Variants in MTBP observed in about 807,000 individuals in gnomAD.
MTBP encodes the protein MDM2 binding protein.
Under a neutral mutation model 117.0 loss-of-function variants are expected in MTBP, and 101 were observed. The observed-to-expected ratio is 0.86, with a 90% confidence interval of 0.73 to 1.02. The LOEUF (loss-of-function observed/expected upper bound fraction) is 1.02, where lower values mean the gene tolerates loss of function less well. Among genes scored for constraint, MTBP ranks in the 50% least tolerant of loss-of-function variants. The pLI, the probability that MTBP is intolerant of heterozygous loss-of-function variation, is 0.00. For missense variants in MTBP, 970 were observed against 1,030.9 expected (o/e 0.94, Z 0.81); for synonymous variants, 350 against 351.5 (o/e 1.00, Z 0.05).
rs190381381 is a variant in MTBP at position 120,456,939 on chromosome 8, A to G, written c.747+269A>G. On this transcript the variant is annotated intron_variant, in intron 7 of 21. Transcript: ENST00000305949. The stretch of plus-strand genomic sequence containing the variant: ...TAATTAACTTTAATTTAATCACATA[A>G]TAATGTGATTATATTCAAGTGCTGT... 1.8e-4 allele frequency among the ~76,000 whole-genome samples: 27 copies of G among 152,316 alleles called. No individual in the cohort carries two copies. The East Asian group carries it at 4.8e-3, about 27-fold the overall frequency.
intron 17 of MTBP, among the ~76,000 whole-genome samples, chr8:120,510,730 T>C (rs1416500560): frequency 3.0e-4 from 45 of 151,972 alleles, no homozygotes; most frequent in Admixed American, 3.0e-3. Flanking sequence ...GGTGAAACCC[T>C]GTCTCTACAA....
chr8:120,521,762 G>A lies in MTBP; in HGVS notation c.2611-892G>A, dbSNP rs185375027. Among the ~76,000 whole-genome samples, 320 of 152,282 alleles carry A rather than the reference G, an allele frequency of 2.1e-3. 2 individuals carry two copies. The highest frequency in any genetic ancestry group is 1.9e-3 in the Non-Finnish European group (127 of 68,028). On this transcript the variant is annotated intron_variant, in intron 20 of 21. Coordinates refer to ENST00000305949, the MANE Select transcript of MTBP (RefSeq NM_022045.5). Reference sequence around the variant, plus strand: ...TTTGTATGTCATTCTTCTTTATGATGGAGTCAAATAGCCAAAATGAAGAAA... The same window carrying A: ...TTTGTATGTCATTCTTCTTTATGATAGAGTCAAATAGCCAAAATGAAGAAA...
At chr8:120,468,070 T>C (rs965692498) in intron 10 of MTBP, among the ~76,000 whole-genome samples, 2 of 30,702 alleles carry the variant, frequency 6.5e-5, no homozygotes, top group Non-Finnish European at 1.2e-4. Context: ...TGAAGTCTTA[T>C]GTATGCAAGA....
Position 120,509,953 on chromosome 8 carries a change from A to T in MTBP, c.1903A>T (p.Thr635Ser). Residue 635 changes from threonine to serine, a missense_variant, in exon 17 of 22, where the codon ACA becomes TCA. Physicochemically the swap from Thr to Ser is moderately conservative, Grantham distance 58 (BLOSUM62 1). Transcript: ENST00000305949. ...IQKGEKTFVL[T>S]PELSPGKLQV... The stretch of plus-strand genomic sequence containing the variant: ...TTTCAGGGAAAAGACTTTTGTTTTG[A>T]CACCAGAACTTAGTCCTGGGAAACT... 1 of 1,610,002 alleles carries T rather than the reference A, an allele frequency of 6.2e-7. No homozygotes were observed. Among genetic ancestry groups the T allele is most frequent in the South Asian group, 1.1e-5 (1 of 90,176 alleles).
intron 11 of MTBP, among the ~76,000 whole-genome samples, chr8:120,474,613 G>T (rs1317677502): frequency 6.6e-6 from 1 of 151,896 alleles, no homozygotes; most frequent in Non-Finnish European, 1.5e-5. Context: ...ACTTTGTACT[G>T]TTTCCTAAAA....
intron 14 of MTBP, 41 bp from the exon 15 acceptor site, chr8:120,502,448 TATG>T (rs1232186578): frequency 4.6e-6 from 6 of 1,316,426 alleles, no homozygotes; most frequent in Admixed American, 2.1e-5. Flanking sequence ...CAAAATTCAG[TATG>T]ATAATACTTT....
chr8:120,465,867 A>G (rs1813677545), intron 10 of MTBP, among the ~76,000 whole-genome samples: 1 of 152,076 alleles, frequency 6.6e-6, no homozygotes, highest in African/African-American at 2.4e-5. Flanking sequence ...ATCTGTACCT[A>G]TAGTTTAACA....
chr8:120,493,019 A>G (rs141712238), intron 13 of MTBP, among the ~76,000 whole-genome samples: 368 of 152,312 alleles, frequency 2.4e-3, no homozygotes, highest in African/African-American at 8.4e-3. Flanking sequence ...TGAAAACAGC[A>G]GTATTATCAT....
At chr8:120,455,629 C>G in intron 6 of MTBP, 50 bp downstream of exon 6, 1 of 1,522,158 alleles carries the variant, frequency 6.6e-7, no homozygotes, top group South Asian at 1.1e-5. Flanking sequence ...TCTGTTTTCA[C>G]AATTAACATA....
intron 13 of MTBP, among the ~76,000 whole-genome samples, chr8:120,493,575 C>T (rs923769682): frequency 4.0e-5 from 6 of 151,890 alleles, no homozygotes; most frequent in African/African-American, 7.3e-5. Context: ...ACTGCAACTT[C>T]CACCTCCCAA....
intron 13 of MTBP, among the ~76,000 whole-genome samples, chr8:120,497,051 T>C (rs906890813): frequency 6.6e-6 from 1 of 152,252 alleles, no homozygotes; most frequent in Non-Finnish European, 1.5e-5. Flanking sequence ...CAAGCTACCA[T>C]ATTTAACTGA....
chr8:120,508,662 A>G (rs1033466669), intron 16 of MTBP, among the ~76,000 whole-genome samples: 7 of 152,146 alleles, frequency 4.6e-5, no homozygotes, highest in African/African-American at 1.7e-4. Flanking sequence ...CCAATGCCAT[A>G]GGGGGGAAAA....
chr8:120,456,171 A>T (rs1206263713), intron 6 of MTBP, among the ~76,000 whole-genome samples: 3 of 152,156 alleles, frequency 2.0e-5, no homozygotes, highest in African/African-American at 7.2e-5. Context: ...AGTCTGTGGT[A>T]AGTGCGTTAC....
At chr8:120,512,881 A>G (rs1198647418) in intron 17 of MTBP, among the ~76,000 whole-genome samples, 1 of 152,066 alleles carries the variant, frequency 6.6e-6, no homozygotes, top group African/African-American at 2.4e-5. Flanking sequence ...GTGTAGAAAC[A>G]AAGTCAAGTA....
intron 11 of MTBP, chr8:120,472,841 CA>C (rs1390549013): frequency 3.3e-5 from 5 of 152,064 alleles, no homozygotes; most frequent in Non-Finnish European, 7.4e-5. Context: ...AGGAAGCCAC[CA>C]ATGTAAAAAG....
chr8:120,471,136 A>C (rs1813808312), intron 11 of MTBP, 199 bp downstream of exon 11: 3 of 451,456 alleles, frequency 6.6e-6, no homozygotes, highest in South Asian at 7.3e-5. Flanking sequence ...ATTCATTTAA[A>C]ATGCTAGTGA....
chr8:120,510,575 ATT>A (rs1257068842), intron 17 of MTBP, among the ~76,000 whole-genome samples: 1 of 152,172 alleles, frequency 6.6e-6, no homozygotes, highest in Non-Finnish European at 1.5e-5. Context: ...ATCCAGCAAC[ATT>A]AAATATCTGT....
At chr8:120,501,322 A>G (rs1052259758) in intron 14 of MTBP, among the ~76,000 whole-genome samples, 5 of 152,190 alleles carry the variant, frequency 3.3e-5, no homozygotes, top group East Asian at 3.8e-4. Flanking sequence ...AGATTGGGCC[A>G]GTGCACTCCA....
At position 120,518,744 on chromosome 8, in the gene MTBP, G is replaced by A; in HGVS notation, c.2537G>A (p.Ser846Asn). 6.2e-7 allele frequency: 1 copy of A among 1,611,710 alleles called. No individual in the cohort carries two copies. The change falls in exon 20 of 22, where the codon AGT (serine) becomes AAT (asparagine). Residue 846 changes from serine (S) to asparagine (N), a missense_variant. Physicochemically the swap from Ser to Asn is conservative, Grantham distance 46 (BLOSUM62 1). Coordinates refer to ENST00000305949, the MANE Select transcript of MTBP (RefSeq NM_022045.5). ...GTTACTGAAACCCTGAAGAAACACA[G>A]TATTACCGAGACTCATGAATGTTTC... ...EVVTETLKKH[S>N]ITETHECFTA...
Sources: allele counts gnomAD v4.1 joint callset (sites outside exome capture counted in the v4.1 genomes callset), GRCh38; gene constraint gnomAD v4.1.1; transcripts MANE v1.5; gene names NCBI Gene and HGNC (gene_info 2026-07-23, HGNC 2026-07-21).